Variants in IFT81 observed in about 807,000 individuals in gnomAD.
IFT81 encodes the protein intraflagellar transport protein 81 homolog.
IFT81 carries 72 observed loss-of-function variants against 102.6 expected under a neutral mutation model. The ratio of observed to expected loss-of-function variants is 0.70; its 90% confidence interval spans 0.58 to 0.85. The LOEUF (loss-of-function observed/expected upper bound fraction) is 0.85, where lower values mean the gene tolerates loss of function less well. Ranked by LOEUF, IFT81 falls within the 40% of genes least tolerant of loss-of-function variation. The pLI, the probability that IFT81 is intolerant of heterozygous loss-of-function variation, is 0.00. For missense variants in IFT81, 723 were observed against 787.3 expected, an observed-to-expected ratio of 0.92 and a Z score of 0.98; for synonymous variants, 237 against 242.7, an observed-to-expected ratio of 0.98 and a Z score of 0.22.
intron 11 of IFT81, among the ~76,000 whole-genome samples, chr12:110,179,771 T>TACACAC (rs1180642058): frequency 4.0e-4 from 21 of 52,748 alleles, no homozygotes; most frequent in Admixed American, 8.5e-4. Context: ...TATATATATA[T>TACACAC]ATACACACAC....
At chr12:110,183,434 G>A (rs1168168562) in intron 12 of IFT81, among the ~76,000 whole-genome samples, 1 of 152,156 alleles carries the variant, frequency 6.6e-6, no homozygotes, top group Non-Finnish European at 1.5e-5. Context: ...TTTGATATTG[G>A]CAGCAGCTAG....
chr12:110,149,124 T>C (rs543429633), intron 10 of IFT81, among the ~76,000 whole-genome samples: 1 of 152,338 alleles, frequency 6.6e-6, no homozygotes, highest in East Asian at 1.9e-4. Flanking sequence ...TTTCCTTGCT[T>C]TCTGCATTAT....
chr12:110,181,319 A>AT (rs1277434760), intron 12 of IFT81, among the ~76,000 whole-genome samples: 2 of 152,236 alleles, frequency 1.3e-5, no homozygotes, highest in Non-Finnish European at 2.9e-5. Context: ...TTTAAAACTG[A>AT]TAGTAGTAAC....
Position 110,128,037 on chromosome 12 carries a change from C to A in IFT81, c.145-9C>A. The A allele has an allele frequency of 6.3e-7, 1 of 1,583,038 alleles. No individual in the cohort carries two copies. The highest frequency in any genetic ancestry group is 8.7e-7 in the Non-Finnish European group (1 of 1,155,202). On this transcript the variant is annotated splice_polypyrimidine_tract_variant and intron_variant, in intron 2 of 18. Coordinates refer to ENST00000242591, the MANE Select transcript of IFT81 (RefSeq NM_014055.4). The stretch of plus-strand genomic sequence containing the variant: ...AACAATAACATGTTTTTTTCAATTT[C>A]TTTGTTAGCAACTTGTGGATATCAG...
chr12:110,151,676 A>G (rs1895537679), intron 10 of IFT81, among the ~76,000 whole-genome samples: 2 of 152,324 alleles, frequency 1.3e-5, no homozygotes, highest in South Asian at 4.2e-4. Flanking sequence ...TGGTGAGAAC[A>G]CTTAACATCT....
intron 4 of IFT81, among the ~76,000 whole-genome samples, chr12:110,129,863 T>G (rs1228773571): frequency 1.3e-5 from 2 of 152,134 alleles, no homozygotes; most frequent in East Asian, 1.9e-4. Flanking sequence ...AAAGTGCTTC[T>G]GTTTAGTGTT....
intron 10 of IFT81, among the ~76,000 whole-genome samples, chr12:110,157,110 G>T (rs1895885642): frequency 6.6e-6 from 1 of 151,996 alleles, no homozygotes; most frequent in Admixed American, 6.6e-5. Context: ...AACACTTTGG[G>T]AGGCCGAGGC....
rs746627168 is a variant in IFT81 at position 110,135,347 on chromosome 12, T to C, written c.606T>C (p.His202=). The C allele has an allele frequency of 6.2e-7, 1 of 1,612,312 alleles. No individual in the cohort carries two copies. Among genetic ancestry groups the C allele is most frequent in the East Asian group, 2.2e-5 (1 of 44,846 alleles). The change falls in exon 7 of 19, where the codon CAT becomes CAC. Residue 202 remains histidine (H), a synonymous_variant. Coordinates refer to ENST00000242591, the MANE Select transcript of IFT81 (RefSeq NM_014055.4). ...LKKRVETAQN[H]QWMLKIARQL... ...TGTAGGTTGAGACAGCTCAGAATCA[T>C]CAATGGATGCTTAAAATAGCAAGGC...
At chr12:110,171,360 T>C (rs1156589422) in intron 11 of IFT81, among the ~76,000 whole-genome samples, 2 of 152,040 alleles carry the variant, frequency 1.3e-5, no homozygotes, top group Non-Finnish European at 2.9e-5. Context: ...TGATTTATAA[T>C]AGAAGCACAG....
intron 14 of IFT81, among the ~76,000 whole-genome samples, chr12:110,196,374 G>A (rs12319750): frequency 6.6e-6 from 1 of 152,132 alleles, no homozygotes; most frequent in African/African-American, 2.4e-5. Flanking sequence ...ACAAAAATTA[G>A]CCAGCTATGG....
chr12:110,183,367 A>G (rs1196638126), intron 12 of IFT81, among the ~76,000 whole-genome samples: 1 of 152,310 alleles, frequency 6.6e-6, no homozygotes, highest in Non-Finnish European at 1.5e-5. Context: ...GGTTTCCTCA[A>G]GGGATGATTC....
chr12:110,180,304 G>A (rs999091455), intron 11 of IFT81, 118 bp from the exon 12 acceptor site: 18 of 346,916 alleles, frequency 5.2e-5, no homozygotes, highest in African/African-American at 1.3e-4. Flanking sequence ...TATTATATAC[G>A]TGTGACATGT....
intron 4 of IFT81, among the ~76,000 whole-genome samples, chr12:110,131,824 A>T (rs1894181901): frequency 6.6e-6 from 1 of 152,180 alleles, no homozygotes. Context: ...ATCTACTCTG[A>T]TAGGATAGAT....
intron 11 of IFT81, chr12:110,169,186 T>C (rs1304716351): frequency 6.6e-6 from 1 of 151,946 alleles, no homozygotes; most frequent in Non-Finnish European, 1.5e-5. Flanking sequence ...GAACTAAGTC[T>C]CTAATGAGCC....
intron 18 of IFT81, among the ~76,000 whole-genome samples, chr12:110,211,541 T>C (rs1304483924): frequency 2.6e-5 from 4 of 152,182 alleles, no homozygotes; most frequent in Non-Finnish European, 5.9e-5. Flanking sequence ...GTATGTGGTT[T>C]AGCTAACTAT....
At chr12:110,184,610 G>C (rs1186187935) in intron 12 of IFT81, among the ~76,000 whole-genome samples, 1 of 152,224 alleles carries the variant, frequency 6.6e-6, no homozygotes, top group Non-Finnish European at 1.5e-5. Flanking sequence ...AGGGAAGGGA[G>C]CAGGAGGAGG....
At chr12:110,189,918 A>G (rs1034505021) in intron 12 of IFT81, among the ~76,000 whole-genome samples, 3 of 152,162 alleles carry the variant, frequency 2.0e-5, no homozygotes, top group Non-Finnish European at 1.5e-5. Context: ...CCTTCAAAAT[A>G]TACACAGAAC....
intron 11 of IFT81, among the ~76,000 whole-genome samples, chr12:110,164,875 T>C (rs543062738): frequency 6.6e-6 from 1 of 152,332 alleles, no homozygotes; most frequent in East Asian, 1.9e-4. Context: ...CAAGAGACTA[T>C]GCCACCTCCT....
At chr12:110,184,121 C>A (rs1250012937) in intron 12 of IFT81, among the ~76,000 whole-genome samples, 2 of 152,096 alleles carry the variant, frequency 1.3e-5, no homozygotes, top group African/African-American at 2.4e-5. Flanking sequence ...GAGGCCGAGG[C>A]GGGTGGATCA....
Sources: gnomAD v4.1 joint callset for allele counts (sites outside exome capture counted in the v4.1 genomes callset) on GRCh38, gnomAD v4.1.1 for gene constraint, MANE v1.5 for transcripts, NCBI Gene and HGNC (gene_info 2026-07-23, HGNC 2026-07-21) for gene names.